Variants in RELN observed in about 807,000 individuals in gnomAD.
The protein encoded by RELN is reelin.
RELN carries 108 observed loss-of-function variants against 427.6 expected under a neutral mutation model. That is an observed-to-expected ratio of 0.25 (90% CI 0.22 to 0.30). The LOEUF (loss-of-function observed/expected upper bound fraction) is 0.30. Ranked by LOEUF, RELN falls within the 10% of genes least tolerant of loss-of-function variation. The pLI is 1.00. For synonymous variants in RELN, 1,524 were observed against 1,513.4 expected, an observed-to-expected ratio of 1.01 and a Z score of -0.16; for missense variants, 3,715 against 4,302.8, an observed-to-expected ratio of 0.86 and a Z score of 3.82.
At chr7:103,803,740 A>C (rs983606920) in intron 3 of RELN, among the ~76,000 whole-genome samples, 1 of 151,958 alleles carries the variant, frequency 6.6e-6, no homozygotes, top group East Asian at 1.9e-4. Flanking sequence ...TCATTATAAG[A>C]CTCTTGATGA....
At chr7:103,860,370 A>G (rs1794043988) in intron 2 of RELN, among the ~76,000 whole-genome samples, 1 of 152,202 alleles carries the variant, frequency 6.6e-6, no homozygotes, top group Non-Finnish European at 1.5e-5. Context: ...GCAGTAAATG[A>G]GATCACGCTG....
At chr7:103,723,406 C>A (rs1221824427) in intron 7 of RELN, among the ~76,000 whole-genome samples, 2 of 152,160 alleles carry the variant, frequency 1.3e-5, no homozygotes, top group African/African-American at 4.8e-5. Context: ...GAAGTGAAAT[C>A]CTGACTTGGA....
At chr7:103,702,101 G>T (rs1834105423) in intron 8 of RELN, among the ~76,000 whole-genome samples, 1 of 152,182 alleles carries the variant, frequency 6.6e-6, no homozygotes, top group Non-Finnish European at 1.5e-5. Context: ...GAAAGAAAAG[G>T]ATATTCAAAG....
chr7:103,651,970 G>A (rs1302581663), intron 14 of RELN, among the ~76,000 whole-genome samples, 181 bp from the exon 15 acceptor site: 1 of 152,002 alleles, frequency 6.6e-6, no homozygotes, highest in Non-Finnish European at 1.5e-5. Context: ...GCTTTCAAAG[G>A]GCAATCAGTT....
intron 4 of RELN, among the ~76,000 whole-genome samples, chr7:103,763,833 C>T (rs262337): frequency 0.043 from 6,524 of 151,780 alleles, 241 homozygotes; most frequent in African/African-American, 0.1. Context: ...TGGGGGGAAA[C>T]AGAGGGCAGT....
At chr7:103,614,369 G>T (rs1832033558) in intron 20 of RELN, among the ~76,000 whole-genome samples, 1 of 152,180 alleles carries the variant, frequency 6.6e-6, no homozygotes, top group Admixed American at 6.5e-5. Flanking sequence ...CCAGCAGTGG[G>T]TTCTCACCAA....
Position 103,835,954 on chromosome 7 carries a change from C to CTTTTTTTTTTTTTTTTTT in RELN, c.338-2300_338-2283dup, listed in dbSNP as rs10569884. On this transcript the variant is annotated intron_variant, in intron 2 of 64. Transcript: ENST00000428762. ...TCTCTTTACAAAACTCTCAATTACC[C>CTTTTTTTTTTTTTTTTTT]TTTTTTTTTTTTTTTTTTATAGGCG... Among the ~76,000 whole-genome samples the CTTTTTTTTTTTTTTTTTT allele has an allele frequency of 6.5e-4, 92 of 142,428 alleles. 1 individual carries two copies. Among genetic ancestry groups the CTTTTTTTTTTTTTTTTTT allele is most frequent in the African/African-American group, 2.3e-3 (87 of 38,554 alleles). The allele number at this position is 142,428 out of a possible 152,430, so 93.4% of individuals were successfully genotyped here.
chr7:103,835,668 A>T (rs996743762), intron 2 of RELN, among the ~76,000 whole-genome samples: 5 of 152,220 alleles, frequency 3.3e-5, no homozygotes, highest in African/African-American at 9.6e-5. Flanking sequence ...ATGGGAAGTT[A>T]AATTTTAAAT....
At chr7:103,861,628 T>C (rs1276834154) in intron 2 of RELN, among the ~76,000 whole-genome samples, 2 of 152,150 alleles carry the variant, frequency 1.3e-5, no homozygotes, top group African/African-American at 4.8e-5. Flanking sequence ...ATACAGGAAG[T>C]TGCCAACAGT....
At chr7:103,624,435 T>G (rs887176836) in intron 20 of RELN, among the ~76,000 whole-genome samples, 1 of 151,260 alleles carries the variant, frequency 6.6e-6, no homozygotes, top group Non-Finnish European at 1.5e-5. Context: ...CCCACTCTAC[T>G]TTTTTTTTAA....
At chr7:103,746,740 C>T (rs1011833148) in intron 6 of RELN, among the ~76,000 whole-genome samples, 7 of 150,932 alleles carry the variant, frequency 4.6e-5, no homozygotes, top group East Asian at 1.9e-4. Flanking sequence ...GTTAGAATGG[C>T]GATCATTAAA....
intron 53 of RELN, 56 bp downstream of exon 53, chr7:103,500,689 T>C: frequency 1.3e-6 from 2 of 1,578,090 alleles, no homozygotes; most frequent in Non-Finnish European, 1.7e-6. Flanking sequence ...ATAAGTTGGT[T>C]CCTAGGCATG....
intron 2 of RELN, among the ~76,000 whole-genome samples, chr7:103,914,884 C>A (rs1244200603): frequency 6.6e-6 from 1 of 152,124 alleles, no homozygotes; most frequent in Non-Finnish European, 1.5e-5. Context: ...TCTTTCTGAA[C>A]CCCCTACTGG....
intron 1 of RELN, among the ~76,000 whole-genome samples, chr7:103,970,203 TGTGA>T (rs1796736144): frequency 6.6e-6 from 1 of 151,130 alleles, no homozygotes. Context: ...AGTGCAGTGG[TGTGA>T]TCTCGGCTCA....
intron 45 of RELN, among the ~76,000 whole-genome samples, chr7:103,538,464 G>C (rs1312680537): frequency 2.6e-5 from 4 of 152,214 alleles, no homozygotes; most frequent in African/African-American, 9.6e-5. Context: ...TGGTATGTGT[G>C]AGTGTACACA....
rs150732002 is a variant in RELN at position 103,705,282 on chromosome 7, G to T, written c.806-4276C>A. On this transcript the variant is annotated intron_variant, in intron 8 of 64. Transcript: ENST00000428762. Reference sequence around the variant, plus strand: ...TTAGTAAGTCAAAATTAGAAGTATTGATTTTCCAGCAACCAAATATTCTGT... The same window carrying T: ...TTAGTAAGTCAAAATTAGAAGTATTTATTTTCCAGCAACCAAATATTCTGT... Among the ~76,000 whole-genome samples the T allele has an allele frequency of 1.2e-3, 176 of 152,172 alleles. 1 individual carries two copies. Among genetic ancestry groups the T allele is most frequent in the African/African-American group, 4.1e-3 (169 of 41,502 alleles).
chr7:103,712,155 G>A (rs1459286032), intron 8 of RELN, among the ~76,000 whole-genome samples: 5 of 152,098 alleles, frequency 3.3e-5, no homozygotes, highest in South Asian at 2.1e-4. Flanking sequence ...ACAAGCACAC[G>A]AACCTGCAGC....
At chr7:103,618,422 A>G (rs1355737451) in intron 20 of RELN, among the ~76,000 whole-genome samples, 2 of 152,202 alleles carry the variant, frequency 1.3e-5, no homozygotes, top group Non-Finnish European at 2.9e-5. Context: ...CAAATTTGGA[A>G]TCTCTCTACC....
intron 3 of RELN, among the ~76,000 whole-genome samples, chr7:103,796,420 T>C (rs1007710765): frequency 1.9e-4 from 29 of 152,202 alleles, no homozygotes; most frequent in Non-Finnish European, 1.5e-5. Flanking sequence ...GTACTTCTTG[T>C]TTTGCAATTT....
Sources: gnomAD v4.1 joint callset for allele counts (sites outside exome capture counted in the v4.1 genomes callset) on GRCh38, gnomAD v4.1.1 for gene constraint, MANE v1.5 for transcripts, NCBI Gene and HGNC (gene_info 2026-07-23, HGNC 2026-07-21) for gene names.